RTL4: variants seen among roughly 807,000 people sequenced by gnomAD.
RTL4 encodes retrotransposon Gag like 4, also known as retrotransposon Gag-like protein 4.
Under a neutral mutation model 5.3 loss-of-function variants are expected in RTL4, and 4 were observed. The observed-to-expected ratio is 0.75, with a 90% confidence interval of 0.37 to 1.72. The LOEUF (loss-of-function observed/expected upper bound fraction) is 1.72, where lower values mean the gene tolerates loss of function less well. RTL4 is among the 40% of genes most tolerant of loss of function. The pLI, the probability that RTL4 is intolerant of heterozygous loss-of-function variation, is 0.04. For missense variants in RTL4, 260 were observed against 227.1 expected (o/e 1.14, Z -0.93); for synonymous variants, 98 against 87.3 (o/e 1.12, Z -0.68).
At chrX:112,234,549 G>A in the RTL4 span, among the ~76,000 whole-genome samples, 1 of 111,725 alleles carries the variant, frequency 9.0e-6, no homozygotes, top group African/African-American at 3.3e-5. Flanking sequence ...ACTAGTGGTC[G>A]ACTCGCCAAG....
the RTL4 span, among the ~76,000 whole-genome samples, chrX:112,129,663 AT>A: frequency 1.8e-5 from 2 of 112,144 alleles, no homozygotes; most frequent in Non-Finnish European, 3.8e-5. Context: ...CCATTATTGT[AT>A]AGCAAGAAAG....
the RTL4 span, among the ~76,000 whole-genome samples, chrX:112,129,651 A>G: frequency 8.9e-6 from 1 of 112,203 alleles, no homozygotes; most frequent in Non-Finnish European, 1.9e-5. Context: ...TTGCAGTTGT[A>G]TCCATTATTG....
the RTL4 span, among the ~76,000 whole-genome samples, chrX:112,407,288 T>C: frequency 1.0e-4 from 11 of 109,342 alleles, no homozygotes; most frequent in African/African-American, 3.3e-4. Context: ...TGAAGGGGAG[T>C]CCCAGGCCAG....
At chrX:112,393,124 C>G in the RTL4 span, among the ~76,000 whole-genome samples, 232 of 94,736 alleles carry the variant, frequency 2.4e-3, 2 homozygotes, top group East Asian at 0.035. Context: ...TTTCTTTTTT[C>G]TTTTCTTTTT....
the RTL4 span, among the ~76,000 whole-genome samples, chrX:112,098,064 T>C: frequency 0.084 from 9,225 of 109,902 alleles, 705 homozygotes; most frequent in African/African-American, 0.23. Context: ...ACACATTAAC[T>C]CGCCATTTAA....
the RTL4 span, among the ~76,000 whole-genome samples, chrX:112,432,898 T>G: frequency 7.8e-4 from 88 of 112,128 alleles, no homozygotes; most frequent in Non-Finnish European, 1.4e-3. Flanking sequence ...CATCTTGAAT[T>G]AATTTTTGTA....
chrX:112,236,446 T>TATATAGATATAGATATATATCTAG, the RTL4 span, among the ~76,000 whole-genome samples: 1 of 78,749 alleles, frequency 1.3e-5, no homozygotes, highest in African/African-American at 5.6e-5. Flanking sequence ...TCTATATCTA[T>TATATAGATATAGATATATATCTAG]ATATAGATAT....
At chrX:112,411,946 T>A in the RTL4 span, among the ~76,000 whole-genome samples, 1 of 111,299 alleles carries the variant, frequency 9.0e-6, no homozygotes, top group Non-Finnish European at 1.9e-5. Flanking sequence ...ATCTTCTATT[T>A]GTAAAAACCT....
chrX:112,147,228 G>A, the RTL4 span, among the ~76,000 whole-genome samples: 2 of 110,631 alleles, frequency 1.8e-5, no homozygotes, highest in South Asian at 3.9e-4. Context: ...TAAAACAGCA[G>A]AGTTGCACTG....
the RTL4 span, among the ~76,000 whole-genome samples, chrX:112,328,982 C>A: frequency 1.9e-4 from 21 of 111,303 alleles, no homozygotes; most frequent in African/African-American, 6.2e-4. Context: ...CACAACATAC[C>A]AGAATCTCTG....
At chrX:112,194,956 G>T in the RTL4 span, among the ~76,000 whole-genome samples, 2 of 112,053 alleles carry the variant, frequency 1.8e-5, no homozygotes, top group South Asian at 7.4e-4. Context: ...TTAGATGGAA[G>T]ATAAAGCATG....
chrX:112,411,840 G>A, the RTL4 span, among the ~76,000 whole-genome samples: 1 of 110,491 alleles, frequency 9.1e-6, no homozygotes, highest in Non-Finnish European at 1.9e-5. Context: ...CATAGTACCG[G>A]AACTCCTAGC....
the RTL4 span, among the ~76,000 whole-genome samples, chrX:112,328,979 T>C: frequency 9.0e-6 from 1 of 111,570 alleles, no homozygotes; most frequent in South Asian, 3.7e-4. Context: ...AGACACAACA[T>C]ACCAGAATCT....
chrX:112,212,247 G>A, the RTL4 span, among the ~76,000 whole-genome samples: 1 of 111,140 alleles, frequency 9.0e-6, no homozygotes, highest in East Asian at 2.8e-4. Context: ...CATGGTGGCG[G>A]GCGCCTGTAG....
chrX:112,137,535 CACTT>C, the RTL4 span, among the ~76,000 whole-genome samples: 1,580 of 111,467 alleles, frequency 0.014, 13 homozygotes, highest in Middle Eastern at 0.046. Context: ...TGTGAGAACT[CACTT>C]ACTATCATGA....
At chrX:112,161,830 TTCCTTCCTTCCTTC>T in the RTL4 span, among the ~76,000 whole-genome samples, 8 of 43,774 alleles carry the variant, frequency 1.8e-4, no homozygotes, top group African/African-American at 5.3e-4. Context: ...CCTTCCTTCC[TTCCTTCCTTCCTTC>T]CTTTCTTTCT....
chrX:112,087,029 G>A, the RTL4 span, among the ~76,000 whole-genome samples: 1 of 111,568 alleles, frequency 9.0e-6, no homozygotes, highest in Non-Finnish European at 1.9e-5. Flanking sequence ...TAATAGCAAT[G>A]CAAATGGGGC....
chrX:112,378,700 G>T, the RTL4 span, among the ~76,000 whole-genome samples: 1 of 111,921 alleles, frequency 8.9e-6, no homozygotes, highest in Non-Finnish European at 1.9e-5. Context: ...CAACCTCAAC[G>T]CAGACACAAT....
the RTL4 span, among the ~76,000 whole-genome samples, chrX:112,332,588 A>T: frequency 1.9e-5 from 2 of 106,628 alleles, no homozygotes. Flanking sequence ...AGGACAAAAA[A>T]CCAAACATCG....
Sources: allele counts gnomAD v4.1 joint callset (sites outside exome capture counted in the v4.1 genomes callset), GRCh38; gene constraint gnomAD v4.1.1; transcripts MANE v1.5; gene names NCBI Gene and HGNC (gene_info 2026-07-23, HGNC 2026-07-21).